Variants in NTM observed in about 807,000 individuals in gnomAD.
NTM encodes neurotrimin, also known as IgLON family member 2.
NTM carries 13 observed loss-of-function variants against 42.1 expected under a neutral mutation model. That is an observed-to-expected ratio of 0.31 (90% confidence interval 0.20 to 0.49). The LOEUF is 0.49. Ranked by LOEUF, NTM falls within the 20% of genes least tolerant of loss-of-function variation. The pLI is 0.99. For missense variants in NTM, 373 were observed against 452.8 expected, an observed-to-expected ratio of 0.82 and a Z score of 1.60; for synonymous variants, 187 against 179.2, an observed-to-expected ratio of 1.04 and a Z score of -0.35.
chr11:131,625,724 G>A (rs538273762), intron 1 of NTM, among the ~76,000 whole-genome samples: 9 of 152,282 alleles, frequency 5.9e-5, no homozygotes, highest in African/African-American at 2.2e-4. Flanking sequence ...TGTGCTCACA[G>A]CTGCCCTCTT....
At chr11:131,644,463 G>A (rs1346479698) in intron 1 of NTM, among the ~76,000 whole-genome samples, 1 of 152,118 alleles carries the variant, frequency 6.6e-6, no homozygotes, top group Non-Finnish European at 1.5e-5. Context: ...CAGTCTCATG[G>A]CCAGCAAACC....
intron 1 of NTM, among the ~76,000 whole-genome samples, chr11:131,477,423 T>C (rs1033175606): frequency 2.0e-5 from 3 of 151,850 alleles, no homozygotes; most frequent in African/African-American, 7.3e-5. Context: ...CCATTCTCGG[T>C]GGCCAGAGCA....
intron 2 of NTM, among the ~76,000 whole-genome samples, chr11:132,130,423 A>G (rs2066611118): frequency 6.6e-6 from 1 of 152,258 alleles, no homozygotes; most frequent in Non-Finnish European, 1.5e-5. Context: ...GATAATTACA[A>G]TGAGAGGAGC....
At chr11:132,236,335 C>T (rs2088888986) in intron 4 of NTM, among the ~76,000 whole-genome samples, 1 of 152,218 alleles carries the variant, frequency 6.6e-6, no homozygotes, top group Admixed American at 6.5e-5. Context: ...TTTTTAGTAG[C>T]TCATATCGTA....
intron 1 of NTM, among the ~76,000 whole-genome samples, chr11:131,426,336 A>G (rs1034982443): frequency 2.6e-5 from 4 of 152,098 alleles, no homozygotes; most frequent in Non-Finnish European, 1.5e-5. Context: ...GGGTGGCTGC[A>G]CAGGGGTTAA....
intron 1 of NTM, among the ~76,000 whole-genome samples, chr11:131,438,645 G>T (rs1949347349): frequency 6.6e-6 from 1 of 152,112 alleles, no homozygotes; most frequent in South Asian, 2.1e-4. Flanking sequence ...GTCATTTAAG[G>T]TCTTCTTCAC....
Position 131,500,080 on chromosome 11 carries a change from A to C in NTM, c.82+129192A>C, listed in dbSNP as rs151207198. On this transcript the variant is annotated intron_variant, in intron 1 of 8. Transcript: ENST00000683400. ...TTGCCCTAGGTCTCAGGCTGTATGG[A>C]CCTGGCCCTGTGGGCCTTCTCACTC... is the stretch of plus-strand genomic sequence containing the variant. Among the ~76,000 whole-genome samples the C allele has an allele frequency of 7.7e-4, 118 of 152,280 alleles. No individual in the cohort carries two copies. The East Asian group carries it at 0.021, about 27-fold the overall frequency.
intron 4 of NTM, among the ~76,000 whole-genome samples, chr11:132,299,697 T>C (rs1390523362): frequency 6.6e-6 from 1 of 152,158 alleles, no homozygotes; most frequent in African/African-American, 2.4e-5. Flanking sequence ...TTTCCCAGAG[T>C]TGGGCTCTAT....
chr11:132,311,360 T>A (rs997109722), intron 6 of NTM, among the ~76,000 whole-genome samples: 1 of 152,182 alleles, frequency 6.6e-6, no homozygotes, highest in African/African-American at 2.4e-5. Context: ...AAAAAAAAAT[T>A]TTTAAGGACA....
intron 3 of NTM, among the ~76,000 whole-genome samples, chr11:132,148,032 G>T (rs747308285): frequency 1.3e-5 from 2 of 152,184 alleles, no homozygotes; most frequent in Non-Finnish European, 2.9e-5. Flanking sequence ...CAGAACGTAT[G>T]CCAGGGGACA....
intron 2 of NTM, among the ~76,000 whole-genome samples, chr11:132,109,662 A>ACTT (rs1555265104): frequency 6.6e-6 from 1 of 152,008 alleles, no homozygotes; most frequent in Non-Finnish European, 1.5e-5. Context: ...ACTGTGTCCC[A>ACTT]CTGGGCCTCT....
Position 132,147,197 on chromosome 11 carries a change from G to A in NTM, c.400+683G>A, listed in dbSNP as rs1052367123. On this transcript the variant is annotated intron_variant, in intron 3 of 8. Coordinates refer to ENST00000683400, the MANE Select transcript of NTM (RefSeq NM_001352005.2). The stretch of plus-strand genomic sequence containing the variant: ...TGTTTGTGTGTGTGTGTGTGTGTGT[G>A]TGTGTGTGTGTGTGTGTGAGAGAGA... Among the ~76,000 whole-genome samples the A allele has an allele frequency of 3.4e-4, 49 of 144,576 alleles. 1 individual carries two copies. Among genetic ancestry groups the A allele is most frequent in the Non-Finnish European group, 6.4e-4 (43 of 67,486 alleles). 94.8% of individuals were successfully genotyped at this position (144,576 alleles called of 152,430 possible).
intron 2 of NTM, among the ~76,000 whole-genome samples, chr11:132,129,890 A>G (rs1411352925): frequency 2.6e-5 from 4 of 151,834 alleles, no homozygotes; most frequent in African/African-American, 9.7e-5. Context: ...TTTCATCTTC[A>G]CCTACCTCCA....
intron 2 of NTM, among the ~76,000 whole-genome samples, chr11:131,968,785 G>A (rs768616567): frequency 5.9e-5 from 9 of 152,062 alleles, no homozygotes; most frequent in South Asian, 4.1e-4. Flanking sequence ...AATGCATTTC[G>A]TATAGAGCTT....
intron 1 of NTM, among the ~76,000 whole-genome samples, chr11:131,432,184 T>C (rs1948708967): frequency 6.6e-6 from 1 of 152,088 alleles, no homozygotes; most frequent in African/African-American, 2.4e-5. Flanking sequence ...GAGAATGCCA[T>C]TGTTGACATG....
intron 2 of NTM, among the ~76,000 whole-genome samples, chr11:131,958,904 C>A (rs2061835373): frequency 6.6e-6 from 1 of 152,182 alleles, no homozygotes; most frequent in African/African-American, 2.4e-5. Flanking sequence ...TCACTGTGGC[C>A]TATTCAAGAA....
intron 1 of NTM, among the ~76,000 whole-genome samples, chr11:131,883,869 T>A (rs7104063): frequency 0.51 from 77,322 of 151,990 alleles, 20,018 homozygotes; most frequent in East Asian, 0.82. Context: ...AAGCCCTGCT[T>A]TTCATGGCCA....
chr11:131,477,878 C>T (rs1003702860), intron 1 of NTM, among the ~76,000 whole-genome samples: 6 of 151,434 alleles, frequency 4.0e-5, no homozygotes, highest in African/African-American at 7.3e-5. Flanking sequence ...TTACCTACAA[C>T]GTTTAGCAGG....
intron 1 of NTM, among the ~76,000 whole-genome samples, chr11:131,407,600 C>T (rs1945936806): frequency 6.6e-6 from 1 of 152,190 alleles, no homozygotes; most frequent in South Asian, 2.1e-4. Flanking sequence ...GGACAAAAGG[C>T]TTCCAGCACC....
Sources: gnomAD v4.1 joint callset for allele counts (sites outside exome capture counted in the v4.1 genomes callset) on GRCh38, gnomAD v4.1.1 for gene constraint, MANE v1.5 for transcripts, NCBI Gene and HGNC (gene_info 2026-07-23, HGNC 2026-07-21) for gene names.